SRGAP1: variants seen among roughly 807,000 people sequenced by gnomAD.
SRGAP1 encodes SLIT-ROBO Rho GTPase-activating protein 1.
In SRGAP1, 43 loss-of-function variants were observed where a neutral mutation model predicts 121.9. That is an observed-to-expected ratio of 0.35 (90% CI 0.28 to 0.46). SRGAP1 has a LOEUF of 0.46. Ranked by LOEUF, SRGAP1 falls within the 20% of genes least tolerant of loss-of-function variation. The pLI is 1.00. For synonymous variants in SRGAP1, 447 were observed against 485.4 expected (o/e 0.92, Z 1.04); for missense variants, 1,102 against 1,350.9 (o/e 0.82, Z 2.89).
At chr12:63,998,745 A>G (rs2033788557) in intron 3 of SRGAP1, among the ~76,000 whole-genome samples, 1 of 152,222 alleles carries the variant, frequency 6.6e-6, no homozygotes, top group Non-Finnish European at 1.5e-5. Flanking sequence ...AGACAATACC[A>G]GGCAAGCATG....
chr12:64,059,748 G>A (rs1487065569), intron 6 of SRGAP1, among the ~76,000 whole-genome samples: 1 of 152,088 alleles, frequency 6.6e-6, no homozygotes, highest in Admixed American at 6.6e-5. Context: ...AAAGCAAGAG[G>A]AATACAAGAG....
At position 64,083,705 on chromosome 12, in the gene SRGAP1, AT is replaced by A. The variant is rs373415257; in HGVS notation, c.1409-3284del. 1.3e-4 allele frequency among the ~76,000 whole-genome samples: 19 copies of A among 150,234 alleles called. No homozygotes were observed. In the East Asian group the frequency reaches 1.4e-3, roughly 11 times the overall value. ...ATACATCTATAAAACTGAGGCACTGATTTTTTTTTTCTTTTTCAGTAATGAG... is the reference window on the plus strand; with the variant it reads ...ATACATCTATAAAACTGAGGCACTGATTTTTTTTTCTTTTTCAGTAATGAG... On this transcript the variant is annotated intron_variant, in intron 10 of 21. Transcript: ENST00000355086.
chr12:63,979,922 G>A (rs909778883), intron 1 of SRGAP1, among the ~76,000 whole-genome samples: 1 of 152,176 alleles, frequency 6.6e-6, no homozygotes, highest in African/African-American at 2.4e-5. Flanking sequence ...TTGCACTTAC[G>A]CTTTCACCAC....
chr12:64,084,341 G>T (rs1169336371), intron 10 of SRGAP1, among the ~76,000 whole-genome samples: 1 of 146,652 alleles, frequency 6.8e-6, no homozygotes, highest in Admixed American at 7.0e-5. Context: ...GTTGGGGGGT[G>T]TGGCGAGGGG....
chr12:64,050,456 CTA>C (rs5798723), intron 6 of SRGAP1, among the ~76,000 whole-genome samples: 152,263 of 152,264 alleles, frequency 1, 76,131 homozygotes, highest in Middle Eastern at 1. Context: ...CTCTATGTCC[CTA>C]TATATACACA....
chr12:63,885,901 G>A (rs2136291216), intron 1 of SRGAP1, among the ~76,000 whole-genome samples: 1 of 152,266 alleles, frequency 6.6e-6, no homozygotes, highest in African/African-American at 2.4e-5. Flanking sequence ...TCCTGCTGTT[G>A]TGCTATGTAG....
chr12:64,142,271 C>T, intron 21 of SRGAP1, 24 bp from the exon 22 acceptor site: 1 of 1,604,180 alleles, frequency 6.2e-7, no homozygotes, highest in South Asian at 1.1e-5. Context: ...TGTGCTTTCT[C>T]TCTTTCCGAT....
intron 8 of SRGAP1, among the ~76,000 whole-genome samples, chr12:64,078,407 A>C (rs2035775387): frequency 6.6e-6 from 1 of 152,214 alleles, no homozygotes; most frequent in Non-Finnish European, 1.5e-5. Context: ...GTAGGATTTC[A>C]TTCATGTAAA....
chr12:63,886,103 C>T (rs1208015918), intron 1 of SRGAP1, among the ~76,000 whole-genome samples: 2 of 152,148 alleles, frequency 1.3e-5, no homozygotes, highest in Non-Finnish European at 2.9e-5. Context: ...CTCCGCTGCC[C>T]AGGCTGGAGT....
At chr12:63,927,067 C>T (rs184849951) in intron 1 of SRGAP1, among the ~76,000 whole-genome samples, 40 of 152,116 alleles carry the variant, frequency 2.6e-4, no homozygotes, top group African/African-American at 8.7e-4. Flanking sequence ...CCCAATCCCC[C>T]GACCCCCCAC....
At chr12:64,134,253 C>G (rs901782809) in intron 21 of SRGAP1, among the ~76,000 whole-genome samples, 1 of 151,906 alleles carries the variant, frequency 6.6e-6, no homozygotes, top group Admixed American at 6.6e-5. Flanking sequence ...AACCCCGTCT[C>G]TACTAAAAAT....
chr12:64,112,874 C>T (rs2036452367), intron 17 of SRGAP1, among the ~76,000 whole-genome samples: 1 of 151,756 alleles, frequency 6.6e-6, no homozygotes, highest in African/African-American at 2.4e-5. Flanking sequence ...GTGATGGTTA[C>T]CAAAGGCTAG....
chr12:64,110,733 T>A (rs538218541), intron 16 of SRGAP1, among the ~76,000 whole-genome samples: 12 of 152,324 alleles, frequency 7.9e-5, no homozygotes, highest in Admixed American at 2.6e-4. Context: ...TGTGATTTTT[T>A]AAAAAATATT....
chr12:64,100,329 A>G (rs933073603), intron 15 of SRGAP1, among the ~76,000 whole-genome samples: 1 of 152,222 alleles, frequency 6.6e-6, no homozygotes, highest in African/African-American at 2.4e-5. Flanking sequence ...TTCCCAGCAC[A>G]TTAAATACCT....
chr12:64,129,979 GTTGTT>G (rs2036759436), intron 21 of SRGAP1, among the ~76,000 whole-genome samples: 5 of 149,736 alleles, frequency 3.3e-5, no homozygotes, highest in African/African-American at 4.9e-5. Flanking sequence ...GGTCGTGGTT[GTTGTT>G]GTTGTTGTTG....
At chr12:63,900,363 G>A (rs754167281) in intron 1 of SRGAP1, among the ~76,000 whole-genome samples, 1 of 151,114 alleles carries the variant, frequency 6.6e-6, no homozygotes, top group South Asian at 2.1e-4. Context: ...GTGCCATCAC[G>A]CCCAGCTAAT....
intron 3 of SRGAP1, among the ~76,000 whole-genome samples, chr12:64,016,409 C>CTTCA (rs2034402994): frequency 6.6e-6 from 1 of 152,118 alleles, no homozygotes; most frequent in Admixed American, 6.5e-5. Flanking sequence ...ATTGCTTGAA[C>CTTCA]CCAGGGGTTC....
rs559655263 is a variant in SRGAP1, at chr12:64,143,811, T to G, written c.*1139T>G. ...AAAAAAAAATGCTACAAAGTCCTGA[T>G]GATCCTAAATTTGAAATCCCAACTG... On this transcript the variant is annotated 3_prime_UTR_variant, in exon 22 of 22. Coordinates refer to ENST00000355086, the MANE Select transcript of SRGAP1 (RefSeq NM_020762.4). 66 of 151,774 alleles carry G rather than the reference T, an allele frequency of 4.3e-4. No homozygotes were observed. Among genetic ancestry groups the G allele is most frequent in the African/African-American group, 1.5e-3 (63 of 41,390 alleles). 9.4% of individuals were successfully genotyped at this position (151,774 alleles called of 1,614,324 possible).
chr12:63,941,340 C>T (rs1359020347), intron 1 of SRGAP1, among the ~76,000 whole-genome samples: 3 of 152,040 alleles, frequency 2.0e-5, no homozygotes, highest in Non-Finnish European at 2.9e-5. Context: ...TAATTATCTT[C>T]TTCTAACTGG....
Sources: gnomAD v4.1 joint callset for allele counts (sites outside exome capture counted in the v4.1 genomes callset) on GRCh38, gnomAD v4.1.1 for gene constraint, MANE v1.5 for transcripts, NCBI Gene and HGNC (gene_info 2026-07-23, HGNC 2026-07-21) for gene names.